Variants in NPRL3 observed in about 807,000 individuals in gnomAD.
NPRL3 encodes NPR3 like, GATOR1 complex subunit, also known as GATOR1 complex protein NPRL3.
NPRL3 carries 23 observed loss-of-function variants against 57.2 expected under a neutral mutation model. The observed-to-expected ratio is 0.40, with a 90% confidence interval of 0.29 to 0.57. NPRL3 has a LOEUF of 0.57. NPRL3 is among the 20% of genes least tolerant of loss of function. The probability of loss-of-function intolerance (pLI) is 0.42; values close to 1 mark genes in which losing one functional copy is unlikely to be tolerated. For missense variants in NPRL3, 691 were observed against 767.1 expected (o/e 0.90, Z 1.17); for synonymous variants, 333 against 321.1 (o/e 1.04, Z -0.39).
In NPRL3 at chr16:90,133, C is replaced by G. The variant is rs563547870; in HGVS notation, c.1162-231G>C. On this transcript the variant is annotated intron_variant, in intron 11 of 13. Transcript: ENST00000611875. ...GGGGAACATCTGGATCACACCTGCA[C>G]AGGCTCCCACCACACACCGGGGCCA... 17 of 510,270 alleles carry G rather than the reference C, an allele frequency of 3.3e-5. No homozygotes were observed. The African/African-American group carries it at 3.4e-4, about 10-fold the overall frequency. The allele number at this position is 510,270 out of a possible 1,614,324, so 31.6% of individuals were successfully genotyped here. A position where few individuals can be genotyped will look rare whatever the true frequency, so the allele number is the denominator to read the frequency against.
At chr16:103,285 C>A (rs1174585311) in intron 7 of NPRL3, among the ~76,000 whole-genome samples, 1 of 43,642 alleles carries the variant, frequency 2.3e-5, no homozygotes, top group Non-Finnish European at 4.2e-5. Context: ...TGCAACATCA[C>A]GCCTGGGGTG....
intron 3 of NPRL3, chr16:125,076 CAAAAA>C (rs61016911): frequency 3.1e-4 from 21 of 66,936 alleles, no homozygotes; most frequent in South Asian, 2.5e-3. Flanking sequence ...AACTTTGTCT[CAAAAA>C]AAAAAAAAAA....
intron 2 of NPRL3, among the ~76,000 whole-genome samples, chr16:134,974 T>C (rs1021009322): frequency 6.6e-6 from 1 of 152,094 alleles, no homozygotes; most frequent in Non-Finnish European, 1.5e-5. Context: ...GTGCTGGGAT[T>C]ACAGGCGTGA....
chr16:87,418 A>G (rs1246534531), intron 13 of NPRL3, among the ~76,000 whole-genome samples: 2 of 151,860 alleles, frequency 1.3e-5, no homozygotes, highest in Admixed American at 1.3e-4. Context: ...CTTTTTTAGT[A>G]GAGACAGGGT....
rs113687492 is a variant in NPRL3 at position 128,159 on chromosome 16, T to C, written c.188+2363A>G. ...GGCATGTGCTCCCATGCCCGACAAATTTTTGTATTTTTAGTAGAGGTAGGG... is the reference window on the plus strand; with the variant it reads ...GGCATGTGCTCCCATGCCCGACAAACTTTTGTATTTTTAGTAGAGGTAGGG... On this transcript the variant is annotated intron_variant, in intron 3 of 13. Coordinates refer to ENST00000611875, the MANE Select transcript of NPRL3 (RefSeq NM_001077350.3). 2.1e-4 allele frequency among the ~76,000 whole-genome samples: 32 copies of C among 152,150 alleles called. 1 individual carries two copies. Among genetic ancestry groups the C allele is most frequent in the African/African-American group, 4.6e-4 (19 of 41,526 alleles).
At chr16:93,059 G>A in intron 10 of NPRL3, 160 bp downstream of exon 10, 1 of 644,364 alleles carries the variant, frequency 1.6e-6, no homozygotes, top group South Asian at 1.8e-5. Context: ...TGGGACCTGG[G>A]TATGCTAGTG....
intron 10 of NPRL3, 42 bp from the exon 11 acceptor site, chr16:92,767 C>A (rs748736790): frequency 5.0e-6 from 8 of 1,606,796 alleles, no homozygotes; most frequent in African/African-American, 1.3e-5. Flanking sequence ...GCAGACCCCC[C>A]CACCGTGTTC....
chr16:121,567 C>G (rs1032551185), intron 3 of NPRL3, among the ~76,000 whole-genome samples: 3 of 150,926 alleles, frequency 2.0e-5, no homozygotes, highest in Admixed American at 1.3e-4. Context: ...TTGCAGTGAG[C>G]GGAGATCGTG....
intron 4 of NPRL3, among the ~76,000 whole-genome samples, chr16:118,128 G>A (rs967353745): frequency 3.3e-5 from 5 of 152,200 alleles, no homozygotes; most frequent in East Asian, 3.8e-4. Flanking sequence ...CTCATCAACC[G>A]CCTCAGAAAC....
intron 13 of NPRL3, among the ~76,000 whole-genome samples, chr16:88,013 C>T (rs1389338405): frequency 6.6e-6 from 1 of 152,036 alleles, no homozygotes; most frequent in Non-Finnish European, 1.5e-5. Context: ...GTGGTTCTCT[C>T]GAGGGCCGAG....
intron 7 of NPRL3, among the ~76,000 whole-genome samples, chr16:102,542 C>G (rs1160591937): frequency 6.6e-6 from 1 of 152,212 alleles, no homozygotes; most frequent in South Asian, 2.1e-4. Context: ...ACAGCACCTC[C>G]CCGCATCATG....
rs1217583836 is a variant in NPRL3 at position 130,546 on chromosome 16, G to C, written c.164C>G (p.Ala55Gly). The C allele has an allele frequency of 1.4e-5, 21 of 1,554,120 alleles. No individual in the cohort carries two copies. The highest frequency in any genetic ancestry group is 1.5e-5 in the Non-Finnish European group (17 of 1,148,644). ...CCTGGAATCGCCGTCCTGCTCATCAGCATGGTCGCCCGTGTTGCTGGCAGC... is the reference window on the plus strand; with the variant it reads ...CCTGGAATCGCCGTCCTGCTCATCACCATGGTCGCCCGTGTTGCTGGCAGC... ...RYAASNTGDH[A>G]DEQDGDSRFS... The change falls in exon 3 of 14, where the codon GCT (alanine) becomes GGT (glycine). Residue 55 changes from alanine to glycine, a missense_variant. Transcript: ENST00000611875.
At chr16:114,803 T>G (rs1306844022) in intron 5 of NPRL3, among the ~76,000 whole-genome samples, 4 of 152,042 alleles carry the variant, frequency 2.6e-5, no homozygotes, top group African/African-American at 9.7e-5. Context: ...AGATATCTTC[T>G]GAAGTATGTA....
intron 7 of NPRL3, among the ~76,000 whole-genome samples, chr16:106,139 T>C (rs987564982): frequency 2.6e-5 from 4 of 151,834 alleles, no homozygotes; most frequent in Admixed American, 2.6e-4. Flanking sequence ...TGAAACTCCA[T>C]CTCTACTAAA....
chr16:130,026 T>A (rs1156361224), intron 3 of NPRL3, among the ~76,000 whole-genome samples: 1 of 152,154 alleles, frequency 6.6e-6, no homozygotes, highest in Non-Finnish European at 1.5e-5. Context: ...CCACCTTTCA[T>A]CTGTGCCTAA....
chr16:120,226 A>G (rs1900226328), intron 3 of NPRL3, among the ~76,000 whole-genome samples: 1 of 152,216 alleles, frequency 6.6e-6, no homozygotes. Flanking sequence ...TATCTAGGTC[A>G]GGAGGGTGCA....
chr16:121,619 C>CAA (rs113477626), intron 3 of NPRL3, among the ~76,000 whole-genome samples: 76 of 143,538 alleles, frequency 5.3e-4, no homozygotes, highest in Middle Eastern at 3.5e-3. Flanking sequence ...AACTCCGTCT[C>CAA]AAAAAAAAAA....
Position 110,470 on chromosome 16 carries a change from C to G in NPRL3, c.629+55G>C, listed in dbSNP as rs1486953682. 2.8e-6 allele frequency: 4 copies of G among 1,422,920 alleles called. No homozygotes were observed. The Admixed American group carries it at 7.6e-5, about 27-fold the overall frequency. 88.1% of individuals were successfully genotyped at this position (1,422,920 alleles called of 1,614,324 possible). On this transcript the variant is annotated intron_variant, in intron 7 of 13. Transcript: ENST00000611875. Reference sequence around the variant, plus strand: ...CTACCTGTTGACGCTGCTCCTCAGGCCCAGGCAGGCTGGCCCATAAGAAGG... The same window carrying G: ...CTACCTGTTGACGCTGCTCCTCAGGGCCAGGCAGGCTGGCCCATAAGAAGG...
chr16:119,499 T>C, intron 3 of NPRL3: 1 of 531,156 alleles, frequency 1.9e-6, no homozygotes, highest in Non-Finnish European at 3.4e-6. Context: ...CATGCTGTCA[T>C]TTTTTGGCAT....
Sources: allele counts gnomAD v4.1 joint callset (sites outside exome capture counted in the v4.1 genomes callset), GRCh38; gene constraint gnomAD v4.1.1; transcripts MANE v1.5; gene names NCBI Gene and HGNC (gene_info 2026-07-23, HGNC 2026-07-21).